Variants in SPATA21 observed in about 807,000 individuals in gnomAD.
SPATA21 encodes spermatogenesis associated 21, also known as spermatogenesis-associated protein 21.
Under a neutral mutation model 54.8 loss-of-function variants are expected in SPATA21, and 47 were observed. The observed-to-expected ratio is 0.86, with a 90% CI of 0.68 to 1.09. SPATA21 has a LOEUF of 1.09. Ranked by LOEUF, SPATA21 falls within the 50% of genes least tolerant of loss-of-function variation. The probability of loss-of-function intolerance (pLI) is 0.00; values close to 1 mark genes in which losing one functional copy is unlikely to be tolerated. For synonymous variants in SPATA21, 245 were observed against 235.3 expected, an observed-to-expected ratio of 1.04 and a Z score of -0.38; for missense variants, 599 against 596.4, an observed-to-expected ratio of 1.00 and a Z score of -0.05.
chr1:16,434,287 T>A (rs2086531831), intron 1 of SPATA21, among the ~76,000 whole-genome samples: 1 of 151,478 alleles, frequency 6.6e-6, no homozygotes, highest in South Asian at 2.1e-4. Flanking sequence ...TCTTTTTTCT[T>A]TCTTTTTTTT....
At chr1:16,406,775 A>G (rs1474186145) in intron 7 of SPATA21, among the ~76,000 whole-genome samples, 1 of 152,130 alleles carries the variant, frequency 6.6e-6, no homozygotes, top group Non-Finnish European at 1.5e-5. Flanking sequence ...GCAAATTTGG[A>G]CACACACAGA....
intron 3 of SPATA21, chr1:16,425,203 T>G (rs1397054451): frequency 9.8e-6 from 5 of 508,182 alleles, no homozygotes; most frequent in Admixed American, 6.8e-5. Flanking sequence ...TGAGCCACCA[T>G]GCCCGGCCTG....
At chr1:16,427,836 C>T (rs930035545) in intron 3 of SPATA21, 2 of 1,535,446 alleles carry the variant, frequency 1.3e-6, no homozygotes, top group Non-Finnish European at 1.8e-6. Flanking sequence ...TCTCTTGGAC[C>T]TGTTCTCTCG....
chr1:16,413,344 A>C (rs2100830598), intron 5 of SPATA21, among the ~76,000 whole-genome samples: 1 of 152,308 alleles, frequency 6.6e-6, no homozygotes, highest in Non-Finnish European at 1.5e-5. Flanking sequence ...CATGTGTCAG[A>C]ATTTCCTCCC....
In SPATA21 at chr1:16,409,795, AG is replaced by A; in HGVS notation, c.392del (p.Pro131LeufsTer60). 6.2e-7 allele frequency: 1 copy of A among 1,600,036 alleles called. No individual in the cohort carries two copies. The highest frequency in any genetic ancestry group is 1.1e-5 in the South Asian group (1 of 88,914). ...ATGGGCCGCTGGCAGGGACCGAGGC[AG>A]GGGTCTGAGGCAGGCTTGGAGCTGA... ...PTSAPSLPQTPASVPASGPSW... is the reference protein window; with the variant it reads ...PTSAPSLPQTXASVPASGPSW... On this transcript the variant is annotated frameshift_variant, in exon 6 of 13. Transcript: ENST00000335496. LOFTEE classifies it high-confidence loss of function. This position sits in a 1 kb window ranked among gnomAD's most constrained non-coding sequence, Gnocchi z 4.1.
chr1:16,417,960 C>T (rs1557662137), intron 5 of SPATA21, among the ~76,000 whole-genome samples: 2 of 152,364 alleles, frequency 1.3e-5, no homozygotes, highest in South Asian at 2.1e-4. Flanking sequence ...CAGAAAGCTA[C>T]CTGCTGGCCC....
chr1:16,409,317 G>A lies in SPATA21; in HGVS notation c.588-114C>T, dbSNP rs1179137228. 3 of 1,127,354 alleles carry A rather than the reference G, an allele frequency of 2.7e-6. No individual in the cohort carries two copies. The highest frequency in any genetic ancestry group is 3.1e-5 in the African/African-American group (2 of 64,430). 69.8% of individuals were successfully genotyped at this position (1,127,354 alleles called of 1,614,324 possible). A position where few individuals can be genotyped will look rare whatever the true frequency, so the allele number is the denominator to read the frequency against. ...GAGGTCGTGGGGGAGGCTTTGGGGA[G>A]CCCGGAGAGATCAAGAATGGCAGGA... On this transcript the variant is annotated intron_variant, in intron 6 of 12. Transcript: ENST00000335496. The surrounding 1 kb of genome is among the most constrained non-coding windows in gnomAD (Gnocchi z 4.1).
At position 16,421,555 on chromosome 1, in the gene SPATA21, C is replaced by T. The variant is rs771074191; in HGVS notation, c.98G>A (p.Gly33Asp). ...TPGPKKAKGG[G>D]EAVETHPAPG... is the part of the protein sequence containing the mutation. ...TGCTGGGTGGGTCTCCACAGCCTCA[C>T]CCCTGAATAGAAGAGAAACCCCCAG... The change falls in exon 5 of 13, where the codon GGT becomes GAT. Residue 33 changes from glycine (G) to aspartate (D), a missense_variant and splice_region_variant. Transcript: ENST00000335496. The surrounding 1 kb of genome is among the most constrained non-coding windows in gnomAD (Gnocchi z 5.2). 5.6e-6 allele frequency: 9 copies of T among 1,613,520 alleles called. No individual in the cohort carries two copies. Among genetic ancestry groups the T allele is most frequent in the Admixed American group, 3.3e-5 (2 of 59,934 alleles).
chr1:16,397,096 G>A (rs1557635533), downstream of SPATA21: 1 of 152,270 alleles, frequency 6.6e-6, no homozygotes, highest in African/African-American at 2.4e-5. This position sits in a 1 kb window ranked among gnomAD's most constrained non-coding sequence, Gnocchi z 5.4. Context: ...GGTAGTCCAG[G>A]TGGGAACGCC....
chr1:16,403,492 C>CTTT (rs1202879935), intron 10 of SPATA21, among the ~76,000 whole-genome samples: 8 of 83,314 alleles, frequency 9.6e-5, no homozygotes, highest in African/African-American at 1.9e-4. Context: ...TCTTTTTTTT[C>CTTT]TTTTTTTTTT....
In SPATA21 at chr1:16,400,789, C is replaced by G. The variant is rs753995091; in HGVS notation, c.1105G>C (p.Glu369Gln). The change falls in exon 11 of 13, where the codon GAA becomes CAA. Residue 369 changes from glutamate (E) to glutamine (Q), a missense_variant. Transcript: ENST00000335496. ...LQKLPYNPQQEESSEVPERKV... is the reference protein window; with the variant it reads ...LQKLPYNPQQQESSEVPERKV... ...CGTTCTGGAACTTCTGAGCTCTCTT[C>G]TTGCTGGGGGTTGTAGGGAAGCTTC... 6.2e-7 allele frequency: 1 copy of G among 1,613,236 alleles called. No homozygotes were observed. The highest frequency in any genetic ancestry group is 8.5e-7 in the Non-Finnish European group (1 of 1,179,882).
chr1:16,419,529 G>A (rs1309610143), intron 5 of SPATA21, among the ~76,000 whole-genome samples: 1 of 152,248 alleles, frequency 6.6e-6, no homozygotes, highest in Non-Finnish European at 1.5e-5. Context: ...CCTTGGGTGA[G>A]AAAGGCAGTG....
At chr1:16,406,077 A>G (rs1342215634) in intron 7 of SPATA21, among the ~76,000 whole-genome samples, 1 of 152,114 alleles carries the variant, frequency 6.6e-6, no homozygotes, top group East Asian at 1.9e-4. Context: ...TGGATATGGA[A>G]TAGACAGCAG....
At chr1:16,398,627 C>T, downstream of SPATA21, 1 of 942,450 alleles carries the variant, frequency 1.1e-6, no homozygotes. Context: ...CCTTTCTTGG[C>T]AAGAGGCACA....
intron 5 of SPATA21, among the ~76,000 whole-genome samples, chr1:16,418,264 C>G (rs1195768816): frequency 1.3e-5 from 2 of 152,122 alleles, no homozygotes; most frequent in African/African-American, 4.8e-5. Flanking sequence ...ATTTCTCTCT[C>G]TCTTTTTTTT....
chr1:16,437,290 T>TGG lies in SPATA21; in HGVS notation c.-350_-349insCC, dbSNP rs2086608886. ...GGGAATAGATGGCAGGTCCAATTAT[T>TGG]CTCAGCAGCAGAGGTTTAGGAATGC... is the stretch of plus-strand genomic sequence containing the variant. On this transcript the variant is annotated 5_prime_UTR_variant, in exon 1 of 13. Transcript: ENST00000335496. 1 of 152,270 alleles carries TGG rather than the reference T, an allele frequency of 6.6e-6. No homozygotes were observed. The highest frequency in any genetic ancestry group is 2.4e-5 in the African/African-American group (1 of 41,458). 9.4% of individuals were successfully genotyped at this position (152,270 alleles called of 1,614,324 possible).
chr1:16,413,165 T>C (rs888586666), intron 5 of SPATA21, among the ~76,000 whole-genome samples: 1 of 151,934 alleles, frequency 6.6e-6, no homozygotes, highest in Non-Finnish European at 1.5e-5. Context: ...TCCATATCCA[T>C]TAAATAATAA....
chr1:16,401,326 A>G (rs1425802172), intron 10 of SPATA21, among the ~76,000 whole-genome samples: 3 of 152,046 alleles, frequency 2.0e-5, no homozygotes, highest in Non-Finnish European at 1.5e-5. Context: ...ACAGAGTCTC[A>G]CTCTGTTACC....
chr1:16,435,401 C>T (rs1338037593), intron 1 of SPATA21, among the ~76,000 whole-genome samples: 3 of 151,992 alleles, frequency 2.0e-5, no homozygotes, highest in African/African-American at 7.3e-5. Flanking sequence ...ACTGCAACCT[C>T]CGTCTCCCGT....
Sources: allele counts gnomAD v4.1 joint callset (sites outside exome capture counted in the v4.1 genomes callset), GRCh38; gene constraint gnomAD v4.1.1; non-coding constraint Gnocchi (gnomAD v3.1); transcripts MANE v1.5; gene names NCBI Gene and HGNC (gene_info 2026-07-23, HGNC 2026-07-21).